KEAP1: variants seen among roughly 807,000 people sequenced by gnomAD.
KEAP1 encodes kelch like ECH associated protein 1, also known as kelch-like ECH-associated protein 1.
In KEAP1, 26 loss-of-function variants were observed where a neutral mutation model predicts 59.7. The ratio of observed to expected loss-of-function variants is 0.44; its 90% CI spans 0.32 to 0.60. The LOEUF is 0.60. Among genes scored for constraint, KEAP1 ranks in the 20% least tolerant of loss-of-function variants. The pLI is 0.06. For missense variants in KEAP1, 539 were observed against 871.4 expected (o/e 0.62, Z 4.80); for synonymous variants, 350 against 358.3 (o/e 0.98, Z 0.26).
chr19:10,493,554 ACT>A (rs1238541424), intron 2 of KEAP1, among the ~76,000 whole-genome samples: 7 of 138,942 alleles, frequency 5.0e-5, no homozygotes, highest in African/African-American at 8.0e-5. Flanking sequence ...CTGGTCTCAA[ACT>A]CTTTTTTTTT....
chr19:10,492,170 C>T lies in KEAP1; in HGVS notation c.732G>A (p.Glu244=), dbSNP rs779800292. ...RDDLNVRCES[E]VFHACINWVK... is the part of the protein sequence containing the mutation. ...CCCAGTTGATGCAGGCGTGGAAGAC[C>T]TCGGACTCGCAGCGCACGTTCAGGT... The change falls in exon 3 of 6, where the codon GAG becomes GAA. Residue 244 remains glutamate, a synonymous_variant. Transcript: ENST00000171111. The T allele has an allele frequency of 6.2e-7, 1 of 1,613,992 alleles. No homozygotes were observed.
Position 10,489,376 on chromosome 19 carries a change from G to T in KEAP1, c.1532-8C>A, listed in dbSNP as rs1355804224. The T allele has an allele frequency of 6.2e-7, 1 of 1,608,740 alleles. No homozygotes were observed. Among genetic ancestry groups the T allele is most frequent in the Admixed American group, 1.7e-5 (1 of 59,616 alleles). On this transcript the variant is annotated splice_polypyrimidine_tract_variant and splice_region_variant and intron_variant, in intron 4 of 5. Coordinates refer to ENST00000171111, the MANE Select transcript of KEAP1 (RefSeq NM_203500.2). ...TGTGCAGGACGCAGACGCCTAAAGG[G>T]CACCATGCAGAGAAGGTGACTCTGG...
At chr19:10,493,345 G>C (rs1914741565) in intron 2 of KEAP1, among the ~76,000 whole-genome samples, 1 of 151,614 alleles carries the variant, frequency 6.6e-6, no homozygotes, top group East Asian at 2.0e-4. Flanking sequence ...TATTTTTTTA[G>C]TAGAGATGGG....
chr19:10,490,178 G>C (rs1457543156), intron 3 of KEAP1, among the ~76,000 whole-genome samples: 1 of 151,604 alleles, frequency 6.6e-6, no homozygotes. Flanking sequence ...CTTGAACCTG[G>C]GAGGCGGAGG....
At chr19:10,493,458 G>T (rs182286219) in intron 2 of KEAP1, among the ~76,000 whole-genome samples, 1 of 151,458 alleles carries the variant, frequency 6.6e-6, no homozygotes, top group Non-Finnish European at 1.5e-5. Flanking sequence ...CACCGCGCCC[G>T]GCCATTTTTT....
At chr19:10,500,764 C>G (rs35948484) in intron 1 of KEAP1, among the ~76,000 whole-genome samples, 9,386 of 151,154 alleles carry the variant, frequency 0.062, 419 homozygotes, top group Non-Finnish European at 0.089. Flanking sequence ...ACTGCAACCT[C>G]CGCCTCCCGG....
intron 2 of KEAP1, among the ~76,000 whole-genome samples, chr19:10,497,888 A>G (rs1914903042): frequency 1.3e-5 from 2 of 151,756 alleles, no homozygotes; most frequent in Admixed American, 6.6e-5. Context: ...GCAAGACCTC[A>G]TCTCTTCAAA....
chr19:10,500,681 CT>C (rs539575991), intron 1 of KEAP1, among the ~76,000 whole-genome samples: 17,276 of 128,528 alleles, frequency 0.13, 1,149 homozygotes, highest in East Asian at 0.32. Flanking sequence ...AGTTTGTTTG[CT>C]TTTTTTTTTT....
At chr19:10,500,805 G>A (rs750826535) in intron 1 of KEAP1, among the ~76,000 whole-genome samples, 4 of 149,534 alleles carry the variant, frequency 2.7e-5, no homozygotes, top group Non-Finnish European at 5.9e-5. Context: ...TCAGCCTCCC[G>A]AGTAGCTGGG....
At position 10,499,815 on chromosome 19, in the gene KEAP1, G is replaced by A; in HGVS notation, c.219C>T (p.Ser73=). Residue 73 remains serine (S), a synonymous_variant, in exon 2 of 6, where the codon AGC becomes AGT. Coordinates refer to ENST00000171111, the MANE Select transcript of KEAP1 (RefSeq NM_203500.2). The surrounding 1 kb of genome is among the most constrained non-coding windows in gnomAD (Gnocchi z 6.7). ...GCAGTGTGACGTCACACAGCTGCTG[G>A]CTGAGCCGCAGCTCGTTCATGATGC... The part of the protein sequence containing the change: ...AFGIMNELRL[S]QQLCDVTLQV... 1 of 1,614,034 alleles carries A rather than the reference G, an allele frequency of 6.2e-7. No individual in the cohort carries two copies. The highest frequency in any genetic ancestry group is 8.5e-7 in the Non-Finnish European group (1 of 1,180,036).
Position 10,486,649 on chromosome 19 carries a change from G to A in KEAP1, c.*3C>T, listed in dbSNP as rs201347073. On this transcript the variant is annotated 3_prime_UTR_variant, in exon 6 of 6. Transcript: ENST00000171111. ...GTATTTTTGCCCAAGAAACAAAAGT[G>A]CCTCAACAGGTACAGTTCTGCTGGT... The A allele has an allele frequency of 1.2e-6, 2 of 1,612,826 alleles. No individual in the cohort carries two copies. The highest frequency in any genetic ancestry group is 4.5e-5 in the East Asian group (2 of 44,872).
intron 2 of KEAP1, among the ~76,000 whole-genome samples, chr19:10,496,583 C>T (rs942831838): frequency 9.2e-5 from 14 of 151,776 alleles, no homozygotes; most frequent in South Asian, 6.2e-4. Context: ...GGGCGGATCA[C>T]GTGAGGTAAG....
chr19:10,491,707 T>G lies in KEAP1; in HGVS notation c.1195A>C (p.Met399Leu). The change falls in exon 3 of 6, where the codon ATG (methionine) becomes CTG (leucine). Residue 399 changes from methionine to leucine, a missense_variant. Met to Leu is a conservative substitution (Grantham distance 15). Around this residue, in one of 4 missense-constraint regions of KEAP1, gnomAD observed 311 missense variants for 425.2 expected, o/e 0.73. Coordinates refer to ENST00000171111, the MANE Select transcript of KEAP1 (RefSeq NM_203500.2). The surrounding 1 kb of genome is among the most constrained non-coding windows in gnomAD (Gnocchi z 5.2). ...GCGCAGGGCGACCACTGATTGGTCA[T>G]GGGGTTGTAACAGTCCAGGGCGCTG... is the stretch of plus-strand genomic sequence containing the variant. ...DSSALDCYNP[M>L]TNQWSPCAPM... The G allele has an allele frequency of 6.4e-7, 1 of 1,571,228 alleles. No individual in the cohort carries two copies. Among genetic ancestry groups the G allele is most frequent in the Non-Finnish European group, 8.6e-7 (1 of 1,159,188 alleles).
At chr19:10,489,094 T>TAAAAAAA in intron 5 of KEAP1, 98 bp downstream of exon 5, 3 of 424,268 alleles carry the variant, frequency 7.1e-6, no homozygotes, top group Non-Finnish European at 1.1e-5. Context: ...ACCTTGTTTC[T>TAAAAAAA]AAAAAAAAAA....
At position 10,493,946 on chromosome 19, in the gene KEAP1, C is replaced by G. The variant is rs115212089; in HGVS notation, c.640-1684G>C. 7.7e-3 allele frequency among the ~76,000 whole-genome samples: 1,168 copies of G among 152,062 alleles called. 14 individuals carry two copies. Among genetic ancestry groups the G allele is most frequent in the African/African-American group, 0.026 (1,096 of 41,496 alleles). On this transcript the variant is annotated intron_variant, in intron 2 of 5. Coordinates refer to ENST00000171111, the MANE Select transcript of KEAP1 (RefSeq NM_203500.2). Reference sequence around the variant, plus strand: ...ACAGGCGTGAGCCACCGGACCTGGCCTGTTTTTGCTTTTGAGACACAGTTT... The same window carrying G: ...ACAGGCGTGAGCCACCGGACCTGGCGTGTTTTTGCTTTTGAGACACAGTTT...
At chr19:10,489,094 TAAAAAAAA>T (rs33966407) in intron 5 of KEAP1, 90 bp downstream of exon 5, 79 of 425,380 alleles carry the variant, frequency 1.9e-4, no homozygotes, top group East Asian at 5.5e-4. Context: ...ACCTTGTTTC[TAAAAAAAA>T]AAAAAAAAAA....
rs779729664 is a variant in KEAP1, at chr19:10,491,646, C to G, written c.1256G>C (p.Gly419Ala). 13 of 1,594,086 alleles carry G rather than the reference C, an allele frequency of 8.2e-6. No homozygotes were observed. The South Asian group carries it at 1.5e-4, about 18-fold the overall frequency. ...GGCATAGATGTGGCCATCGATGACC[C>G]CCACCCCGATGCGGTTACGGGGCAC... Reference protein sequence around the residue: ...MSVPRNRIGVGVIDGHIYAVG... With the variant: ...MSVPRNRIGVAVIDGHIYAVG... The change falls in exon 3 of 6, where the codon GGG becomes GCG. Residue 419 changes from glycine to alanine, a missense_variant. By Grantham distance (60) the Gly-to-Ala change is moderately conservative (BLOSUM62 0). Transcript: ENST00000171111. This position sits in a 1 kb window ranked among gnomAD's most constrained non-coding sequence, Gnocchi z 5.2.
At position 10,499,025 on chromosome 19, in the gene KEAP1, G is replaced by A. The variant is rs1329598364; in HGVS notation, c.639+370C>T. Among the ~76,000 whole-genome samples the A allele has an allele frequency of 2.6e-5, 4 of 151,938 alleles. No individual in the cohort carries two copies. Among genetic ancestry groups the A allele is most frequent in the African/African-American group, 9.7e-5 (4 of 41,366 alleles). Reference sequence around the variant, plus strand: ...AATTTTTATATTTTTAGTAGAGATGGGTTTTAGCTATGTGGGCCAGGCTGG... The same window carrying A: ...AATTTTTATATTTTTAGTAGAGATGAGTTTTAGCTATGTGGGCCAGGCTGG... On this transcript the variant is annotated intron_variant, in intron 2 of 5. Coordinates refer to ENST00000171111, the MANE Select transcript of KEAP1 (RefSeq NM_203500.2). The surrounding 1 kb of genome is among the most constrained non-coding windows in gnomAD (Gnocchi z 6.7).
chr19:10,500,271 C>T (rs908084424), intron 1 of KEAP1, among the ~76,000 whole-genome samples, 191 bp from the exon 2 acceptor site: 2 of 152,224 alleles, frequency 1.3e-5, no homozygotes, highest in South Asian at 2.1e-4. Context: ...CATCTTAAAA[C>T]ATACATGAAG....
Sources: allele counts gnomAD v4.1 joint callset (sites outside exome capture counted in the v4.1 genomes callset), GRCh38; gene constraint gnomAD v4.1.1; regional missense constraint gnomAD v4.1.1; non-coding constraint Gnocchi (gnomAD v3.1); transcripts MANE v1.5; gene names NCBI Gene and HGNC (gene_info 2026-07-23, HGNC 2026-07-21).